The following HAVCR1 variants were observed in gnomAD, a reference collection of about 807,000 sequenced individuals.
The protein encoded by HAVCR1 is hepatitis A virus cellular receptor 1, also known as T cell immunoglobin domain and mucin domain protein 1.
In HAVCR1, 34 loss-of-function variants were observed where a neutral mutation model predicts 32.0. The observed-to-expected ratio is 1.06, with a 90% CI of 0.81 to 1.42. The LOEUF (loss-of-function observed/expected upper bound fraction) is 1.42. Ranked by LOEUF, HAVCR1 falls within the 40% of genes most tolerant of loss-of-function variation. The probability of loss-of-function intolerance (pLI) is 0.00; values close to 1 mark genes in which losing one functional copy is unlikely to be tolerated. For synonymous variants in HAVCR1, 178 were observed against 170.3 expected, an observed-to-expected ratio of 1.05 and a Z score of -0.35; for missense variants, 420 against 442.3, an observed-to-expected ratio of 0.95 and a Z score of 0.45.
At chr5:157,064,301 C>G in the HAVCR1 span, among the ~76,000 whole-genome samples, 2 of 143,794 alleles carry the variant, frequency 1.4e-5, no homozygotes, top group Non-Finnish European at 3.0e-5. Flanking sequence ...CTGCTTGAGC[C>G]CAGGAGCTCA....
chr5:157,044,300 C>T (rs1181688833), intron 5 of HAVCR1, among the ~76,000 whole-genome samples: 5 of 148,786 alleles, frequency 3.4e-5, no homozygotes, highest in Admixed American at 6.9e-5. Context: ...CCACTGCACT[C>T]CAGCCTGGGC....
chr5:157,049,178 T>TC, intron 4 of HAVCR1, 33 bp from the exon 5 acceptor site: 1 of 1,339,670 alleles, frequency 7.5e-7, no homozygotes, highest in Non-Finnish European at 1.1e-6. Context: ...ATTGTTCCAT[T>TC]TGTGGAGGAA....
chr5:157,063,446 G>A (rs751180173), upstream of HAVCR1, among the ~76,000 whole-genome samples: 16 of 151,934 alleles, frequency 1.1e-4, no homozygotes, highest in East Asian at 3.9e-4. Context: ...TCACCACACC[G>A]GCTAATTTTT....
chr5:157,050,121 C>A (rs1319317872), intron 4 of HAVCR1, among the ~76,000 whole-genome samples: 2 of 152,198 alleles, frequency 1.3e-5, no homozygotes, highest in African/African-American at 2.4e-5. Context: ...CTTTCTCCAC[C>A]ACAGTCTCAA....
In HAVCR1 at chr5:157,042,217, C is replaced by T. The variant is rs147636552; in HGVS notation, c.837+410G>A. 2.3e-3 allele frequency among the ~76,000 whole-genome samples: 346 copies of T among 151,756 alleles called. 3 individuals carry two copies. The highest frequency in any genetic ancestry group is 7.5e-3 in the African/African-American group (312 of 41,364). ...CCAAATTAAAGCATCCCGAGGCGGG[C>T]GGATCATGAGGTCAGGAGATCGAGA... is the stretch of plus-strand genomic sequence containing the variant. On this transcript the variant is annotated intron_variant, in intron 6 of 8. Transcript: ENST00000523175.
chr5:157,047,794 G>A (rs1755495598), intron 5 of HAVCR1, among the ~76,000 whole-genome samples: 1 of 152,228 alleles, frequency 6.6e-6, no homozygotes, highest in Non-Finnish European at 1.5e-5. Flanking sequence ...AGAGAGGGTT[G>A]TGGGAACCCC....
At chr5:157,032,761 G>A (rs2113477022) in intron 8 of HAVCR1, 93 bp downstream of exon 8, 4 of 781,300 alleles carry the variant, frequency 5.1e-6, no homozygotes, top group Non-Finnish European at 9.1e-6. Flanking sequence ...TCCAAGGTAT[G>A]CGATGGAGAG....
intron 3 of HAVCR1, 89 bp from the exon 4 acceptor site, chr5:157,052,743 C>T: frequency 9.4e-7 from 1 of 1,068,480 alleles, no homozygotes; most frequent in South Asian, 1.4e-5. Context: ...ACACCAATGA[C>T]AGACTGTCCC....
chr5:157,041,797 G>C (rs1166458562), intron 6 of HAVCR1, among the ~76,000 whole-genome samples: 2 of 152,094 alleles, frequency 1.3e-5, no homozygotes. Context: ...GGTGGCTCAC[G>C]CCTGTAATCC....
chr5:157,066,600 G>A, the HAVCR1 span, among the ~76,000 whole-genome samples: 5 of 150,624 alleles, frequency 3.3e-5, no homozygotes, highest in East Asian at 9.7e-4. Flanking sequence ...TGTATGATCT[G>A]GAGACAATCA....
chr5:157,037,158 T>A (rs1270413791), intron 7 of HAVCR1, 89 bp downstream of exon 7: 2 of 761,088 alleles, frequency 2.6e-6, no homozygotes, highest in Admixed American at 3.7e-5. Context: ...TCGTGTGAAA[T>A]CAAAATCATG....
chr5:157,052,297 T>C, intron 4 of HAVCR1, 64 bp downstream of exon 4: 2 of 1,396,480 alleles, frequency 1.4e-6, no homozygotes, highest in Non-Finnish European at 2.0e-6. Flanking sequence ...CTTGATACAA[T>C]GCCCTGGATG....
At chr5:157,062,090 G>A (rs1756502585), upstream of HAVCR1, among the ~76,000 whole-genome samples, 1 of 152,150 alleles carries the variant, frequency 6.6e-6, no homozygotes, top group South Asian at 2.1e-4. Context: ...CCCCCTGAAG[G>A]ATGCATCCCA....
At position 157,044,577 on chromosome 5, in the gene HAVCR1, A is replaced by AGGAAAGAAAGAAAGAAAGAAAG. The variant is rs1237690529; in HGVS notation, c.782-1896_782-1895insCTTTCTTTCTTTCTTTCTTTCC. 5.1e-3 allele frequency among the ~76,000 whole-genome samples: 515 copies of AGGAAAGAAAGAAAGAAAGAAAG among 101,900 alleles called. 17 individuals carry two copies. Among genetic ancestry groups the AGGAAAGAAAGAAAGAAAGAAAG allele is most frequent in the African/African-American group, 0.02 (474 of 23,550 alleles). The allele number at this position is 101,900 out of a possible 152,430, so 66.9% of individuals were successfully genotyped here. A position where few individuals can be genotyped will look rare whatever the true frequency, so the allele number is the denominator to read the frequency against. On this transcript the variant is annotated intron_variant, in intron 5 of 8. Coordinates refer to ENST00000523175, the MANE Select transcript of HAVCR1 (RefSeq NM_001173393.3). ...AAGGAAGGAGAGAGAAAGAAAGACA[A>AGGAAAGAAAGAAAGAAAGAAAG]AGAAAGAAGGAAAGAAAGAAAGAAA...
intron 2 of HAVCR1, among the ~76,000 whole-genome samples, chr5:157,056,835 G>A (rs1756185447): frequency 6.6e-6 from 1 of 152,114 alleles, no homozygotes; most frequent in Non-Finnish European, 1.5e-5. Flanking sequence ...AGAAATTTGT[G>A]TTTAAAAATT....
chr5:157,064,275 G>A, the HAVCR1 span, among the ~76,000 whole-genome samples: 4 of 150,580 alleles, frequency 2.7e-5, no homozygotes, highest in East Asian at 5.9e-4. Context: ...GACTTTGGGA[G>A]GCCAAGGCGG....
chr5:157,042,514 AG>A (rs1754969815), intron 6 of HAVCR1, 112 bp downstream of exon 6: 1 of 609,728 alleles, frequency 1.6e-6, no homozygotes, highest in African/African-American at 1.9e-5. Flanking sequence ...TTTTTTAAGA[AG>A]AAAAAAAAAA....
intron 3 of HAVCR1, 45 bp downstream of exon 3, chr5:157,055,156 C>A: frequency 9.4e-7 from 1 of 1,059,052 alleles, no homozygotes; most frequent in Admixed American, 2.3e-5. Flanking sequence ...TACTACCGAA[C>A]AGAAAATTCA....
chr5:157,029,554 T>C lies in HAVCR1; in HGVS notation c.*179A>G. 1 of 1,488,814 alleles carries C rather than the reference T, an allele frequency of 6.7e-7. No homozygotes were observed. Among genetic ancestry groups the C allele is most frequent in the Non-Finnish European group, 9.1e-7 (1 of 1,103,470 alleles). The allele number at this position is 1,488,814 out of a possible 1,614,324, so 92.2% of individuals were successfully genotyped here. On this transcript the variant is annotated 3_prime_UTR_variant, in exon 9 of 9. Coordinates refer to ENST00000523175, the MANE Select transcript of HAVCR1 (RefSeq NM_001173393.3). ...AATTAGGACTACATTAATGATGAGG[T>C]TGACTATACACAGTTTGGAGTGAGA...
Sources: allele counts gnomAD v4.1 joint callset (sites outside exome capture counted in the v4.1 genomes callset), GRCh38; gene constraint gnomAD v4.1.1; transcripts MANE v1.5; gene names NCBI Gene and HGNC (gene_info 2026-07-23, HGNC 2026-07-21).